PCDHGB4: variants seen among roughly 807,000 people sequenced by gnomAD.
PCDHGB4 encodes the protein protocadherin gamma subfamily B, 4.
A neutral mutation model predicts 60.5 loss-of-function variants in PCDHGB4; 38 were observed. The observed-to-expected ratio is 0.63, with a 90% CI of 0.48 to 0.82. The LOEUF is 0.82. Among genes scored for constraint, PCDHGB4 ranks in the 40% least tolerant of loss-of-function variants. The probability of loss-of-function intolerance (pLI) is 0.00; values close to 1 mark genes in which losing one functional copy is unlikely to be tolerated. For synonymous variants in PCDHGB4, 456 were observed against 509.7 expected (o/e 0.89, Z 1.42); for missense variants, 1,109 against 1,209.6 (o/e 0.92, Z 1.23).
Position 141,389,283 on chromosome 5 carries a change from G to C in PCDHGB4, c.1399G>C (p.Ala467Pro). The C allele has an allele frequency of 6.2e-7, 1 of 1,614,022 alleles. No individual in the cohort carries two copies. The change falls in exon 1 of 4, where the codon GCC (alanine) becomes CCC (proline). Residue 467 changes from alanine (A) to proline (P), a missense_variant. Ala to Pro is a conservative substitution (Grantham distance 27). This residue lies in a region of PCDHGB4 where 1,068 missense variants were observed against 1,089.9 expected (regional missense o/e 0.98). Transcript: ENST00000519479. ...VHVAENNPPG[A>P]SISQVRASDP... ...CGTGGCCGAGAACAACCCGCCTGGA[G>C]CCTCTATTTCACAAGTCAGGGCTTC...
intron 1 of PCDHGB4, 36 bp downstream of exon 1, chr5:141,390,317 C>T: frequency 1.2e-6 from 2 of 1,610,390 alleles, no homozygotes; most frequent in Non-Finnish European, 1.7e-6. Context: ...ATGCTCATTG[C>T]CTACCCATTT....
intron 1 of PCDHGB4, among the ~76,000 whole-genome samples, chr5:141,447,143 T>G (rs1484774611): frequency 2.6e-5 from 4 of 152,132 alleles, no homozygotes; most frequent in Admixed American, 6.6e-5. Flanking sequence ...TTGTTTTTTG[T>G]TTTTGTTTTT....
intron 1 of PCDHGB4, chr5:141,418,306 GA>G: frequency 6.2e-7 from 1 of 1,614,032 alleles, no homozygotes; most frequent in East Asian, 2.2e-5. Flanking sequence ...TCAGCCTGGG[GA>G]TGGGAACAAT....
intron 1 of PCDHGB4, among the ~76,000 whole-genome samples, chr5:141,456,824 G>C (rs2098890304): frequency 6.6e-6 from 1 of 152,052 alleles, no homozygotes; most frequent in African/African-American, 2.4e-5. Flanking sequence ...ATTAGCCATC[G>C]TGGTAGTGGG....
chr5:141,399,886 G>T, intron 1 of PCDHGB4: 1 of 1,612,706 alleles, frequency 6.2e-7, no homozygotes, highest in Non-Finnish European at 8.5e-7. Flanking sequence ...GGTGACCAAG[G>T]TAGTGGCCGT....
At chr5:141,409,680 C>G (rs756713114) in intron 1 of PCDHGB4, 1 of 1,613,360 alleles carries the variant, frequency 6.2e-7, no homozygotes, top group Non-Finnish European at 8.5e-7. Context: ...TCTATAGTGG[C>G]GAGTGACCTA....
Position 141,478,507 on chromosome 5 carries a change from T to C in PCDHGB4, c.2398-16300T>C, listed in dbSNP as rs781120326. The C allele has an allele frequency of 4.3e-6, 7 of 1,612,048 alleles. No homozygotes were observed. In the East Asian group the frequency reaches 1.3e-4, roughly 31 times the overall value. On this transcript the variant is annotated intron_variant, in intron 1 of 3. Transcript: ENST00000519479. The stretch of plus-strand genomic sequence containing the variant: ...TGCGGAGCTGTGATCCGGTGTTCTA[T>C]AGGCAGGTGTTGGGTGCAGAGAGCG...
At chr5:141,414,242 T>TA in intron 1 of PCDHGB4, 2 of 1,613,538 alleles carry the variant, frequency 1.2e-6, no homozygotes, top group Non-Finnish European at 1.7e-6. Context: ...ATCACGTCTC[T>TA]ATTTAGTCCA....
At chr5:141,394,180 C>T in intron 1 of PCDHGB4, 2 of 1,613,948 alleles carry the variant, frequency 1.2e-6, no homozygotes, top group Non-Finnish European at 1.7e-6. Context: ...CCTCATGCCT[C>T]CTACTCAGCG....
intron 1 of PCDHGB4, among the ~76,000 whole-genome samples, chr5:141,443,764 C>A (rs1351060316): frequency 6.6e-6 from 1 of 151,708 alleles, no homozygotes; most frequent in Non-Finnish European, 1.5e-5. Flanking sequence ...TTACAATATA[C>A]AATATTACCA....
chr5:141,421,054 A>G, intron 1 of PCDHGB4: 3 of 571,978 alleles, frequency 5.2e-6, no homozygotes, highest in Non-Finnish European at 9.0e-6. Context: ...CGCCTCTACC[A>G]CACAAAGCGG....
At chr5:141,415,573 G>A (rs375863243) in intron 1 of PCDHGB4, 68 of 1,613,906 alleles carry the variant, frequency 4.2e-5, no homozygotes, top group Non-Finnish European at 1.2e-5. Flanking sequence ...TTTGTTAGAT[G>A]ATTCGAAGTT....
intron 1 of PCDHGB4, among the ~76,000 whole-genome samples, chr5:141,481,700 T>C (rs1283509788): frequency 2.0e-5 from 3 of 152,034 alleles, no homozygotes; most frequent in Non-Finnish European, 4.4e-5. Context: ...ACGCCTGTAA[T>C]CCCAGCACTT....
Position 141,477,649 on chromosome 5 carries a change from A to G in PCDHGB4, c.2398-17158A>G, listed in dbSNP as rs2099415032. 3.7e-6 allele frequency: 6 copies of G among 1,614,076 alleles called. No individual in the cohort carries two copies. Among genetic ancestry groups the G allele is most frequent in the Non-Finnish European group, 5.1e-6 (6 of 1,180,048 alleles). ...CCGGGCTAGTGGGTCGCTATTTCAC[A>G]ATAAATCGTGACAATGGCATAGTGT... On this transcript the variant is annotated intron_variant, in intron 1 of 3. Transcript: ENST00000519479. The surrounding 1 kb of genome is among the most constrained non-coding windows in gnomAD (Gnocchi z 4.9).
intron 1 of PCDHGB4, among the ~76,000 whole-genome samples, chr5:141,467,332 C>T (rs985838492): frequency 6.6e-6 from 1 of 152,124 alleles, no homozygotes; most frequent in Non-Finnish European, 1.5e-5. Context: ...GGATTAGAGA[C>T]GTAAGCCACT....
chr5:141,418,576 C>T, intron 1 of PCDHGB4: 2 of 1,614,012 alleles, frequency 1.2e-6, no homozygotes, highest in South Asian at 1.1e-5. Flanking sequence ...ATGACAACCC[C>T]CCAGTGTTCA....
intron 1 of PCDHGB4, among the ~76,000 whole-genome samples, chr5:141,464,557 C>A (rs1342964264): frequency 6.6e-6 from 1 of 152,132 alleles, no homozygotes; most frequent in Non-Finnish European, 1.5e-5. Context: ...CCCCATCTTG[C>A]ATTCCTACAA....
chr5:141,459,580 G>C (rs1364413383), intron 1 of PCDHGB4, among the ~76,000 whole-genome samples: 1 of 152,118 alleles, frequency 6.6e-6, no homozygotes, highest in Non-Finnish European at 1.5e-5. Flanking sequence ...GAATTGTTTT[G>C]GGGGTCATAT....
Position 141,432,326 on chromosome 5 carries a change from G to C in PCDHGB4, c.2397+42045G>C. The C allele has an allele frequency of 1.2e-6, 2 of 1,614,228 alleles. No individual in the cohort carries two copies. The highest frequency in any genetic ancestry group is 2.2e-5 in the East Asian group (1 of 44,890). On this transcript the variant is annotated intron_variant, in intron 1 of 3. Transcript: ENST00000519479. This position sits in a 1 kb window ranked among gnomAD's most constrained non-coding sequence, Gnocchi z 6.0. ...GTATGCGCTGAGCTCCTTCGACTAC[G>C]AGCAGTTCCGAGACTTGCAAGTGAA...
Sources: gnomAD v4.1 joint callset for allele counts (sites outside exome capture counted in the v4.1 genomes callset) on GRCh38, gnomAD v4.1.1 for gene constraint, gnomAD v4.1.1 regional missense constraint, Gnocchi (gnomAD v3.1) non-coding constraint, MANE v1.5 for transcripts, NCBI Gene and HGNC (gene_info 2026-07-23, HGNC 2026-07-21) for gene names.